The following ARHGEF40 variants were observed in gnomAD, a reference collection of about 807,000 sequenced individuals.
ARHGEF40 encodes the protein Rho guanine nucleotide exchange factor 40.
Under a neutral mutation model 165.9 loss-of-function variants are expected in ARHGEF40, and 98 were observed. The ratio of observed to expected loss-of-function variants is 0.59; its 90% CI spans 0.50 to 0.70. The LOEUF is 0.70. Ranked by LOEUF, ARHGEF40 falls within the 30% of genes least tolerant of loss-of-function variation. ARHGEF40 has a pLI of 0.00. For synonymous variants in ARHGEF40, 792 were observed against 814.3 expected, an observed-to-expected ratio of 0.97 and a Z score of 0.47; for missense variants, 1,815 against 1,968.0, an observed-to-expected ratio of 0.92 and a Z score of 1.47.
chr14:21,066,078 G>A (rs148029057), upstream of ARHGEF40, among the ~76,000 whole-genome samples: 1,075 of 152,186 alleles, frequency 7.1e-3, 24 homozygotes, highest in African/African-American at 0.024. Context: ...CAGCCTGGGC[G>A]ACAGAGCAAG....
chr14:21,078,635 C>T, intron 10 of ARHGEF40, 147 bp downstream of exon 10: 1 of 935,216 alleles, frequency 1.1e-6, no homozygotes. Flanking sequence ...GTCTCATAAC[C>T]CTCACAACAT....
intron 7 of ARHGEF40, 41 bp downstream of exon 7, chr14:21,076,684 G>GA (rs1314401040): frequency 6.7e-7 from 1 of 1,496,748 alleles, no homozygotes; most frequent in Non-Finnish European, 8.9e-7. Flanking sequence ...CATCAGTAGT[G>GA]GGGAGAGGAG....
chr14:21,088,597 G>A (rs1407894689), intron 22 of ARHGEF40, among the ~76,000 whole-genome samples: 1 of 152,042 alleles, frequency 6.6e-6, no homozygotes, highest in Non-Finnish European at 1.5e-5. Context: ...GAAGCAGGAG[G>A]ATCTCTTGAG....
In ARHGEF40 at chr14:21,074,982, C is replaced by T. The variant is rs997678788; in HGVS notation, c.1252C>T (p.Pro418Ser). ...ASHQEALGNL[P>S]SPSEHKLPEC... Reference sequence around the variant, plus strand: ...CCACCAAGAAGCCCTTGGCAATCTGCCCTCACCAAGTGAGCACAAGCTTCC... The same window carrying T: ...CCACCAAGAAGCCCTTGGCAATCTGTCCTCACCAAGTGAGCACAAGCTTCC... The change falls in exon 3 of 24, where the codon CCC (proline) becomes TCC (serine). Residue 418 changes from proline (P) to serine (S), a missense_variant. By Grantham distance (74) the Pro-to-Ser change is moderately conservative (BLOSUM62 -1). Coordinates refer to ENST00000298694, the MANE Select transcript of ARHGEF40 (RefSeq NM_018071.5). This position sits in a 1 kb window ranked among gnomAD's most constrained non-coding sequence, Gnocchi z 4.8. The T allele has an allele frequency of 1.6e-5, 26 of 1,612,442 alleles. No homozygotes were observed. The highest frequency in any genetic ancestry group is 2.0e-5 in the Non-Finnish European group (24 of 1,179,548).
chr14:21,075,350 G>T lies in ARHGEF40; in HGVS notation c.1469G>T (p.Gly490Val). Residue 490 changes from glycine to valine, a missense_variant, in exon 4 of 24, where the codon GGC becomes GTC. Transcript: ENST00000298694. This position sits in a 1 kb window ranked among gnomAD's most constrained non-coding sequence, Gnocchi z 4.5. ...LCMAGHTGPE[G>V]PLSDTPTPPL... ...TGTGCAGGACACACAGGCCCAGAAGGCCCCCTGTCTGACACTCCAACACCT... is the reference window on the plus strand; with the variant it reads ...TGTGCAGGACACACAGGCCCAGAAGTCCCCCTGTCTGACACTCCAACACCT... 6.2e-7 allele frequency: 1 copy of T among 1,614,066 alleles called. No homozygotes were observed. The highest frequency in any genetic ancestry group is 8.5e-7 in the Non-Finnish European group (1 of 1,180,036).
chr14:21,083,360 G>A (rs1346767066), intron 16 of ARHGEF40, among the ~76,000 whole-genome samples: 10 of 150,048 alleles, frequency 6.7e-5, no homozygotes, highest in Admixed American at 1.3e-4. Flanking sequence ...CCAATATAGT[G>A]AAACCCCATC....
At chr14:21,066,316 G>GT (rs1886260665), upstream of ARHGEF40, among the ~76,000 whole-genome samples, 1 of 141,922 alleles carries the variant, frequency 7.0e-6, no homozygotes, top group African/African-American at 2.5e-5. Context: ...TTTTGGTTGT[G>GT]TTTTTTTTGT....
At chr14:21,088,267 G>A (rs893400627) in intron 22 of ARHGEF40, among the ~76,000 whole-genome samples, 169 bp downstream of exon 22, 7 of 152,076 alleles carry the variant, frequency 4.6e-5, no homozygotes, top group South Asian at 2.1e-4. Context: ...TCCTCTCCCC[G>A]GGACCTGGCT....
At position 21,084,200 on chromosome 14, in the gene ARHGEF40, A is replaced by G. The variant is rs886181879; in HGVS notation, c.3789+150A>G. 50 of 758,460 alleles carry G rather than the reference A, an allele frequency of 6.6e-5. No homozygotes were observed. The African/African-American group carries it at 8.1e-4, about 12-fold the overall frequency. 47.0% of individuals were successfully genotyped at this position (758,460 alleles called of 1,614,324 possible). On this transcript the variant is annotated intron_variant, in intron 17 of 23. Coordinates refer to ENST00000298694, the MANE Select transcript of ARHGEF40 (RefSeq NM_018071.5). ...CTGGGTGGCCTTGATTGAGTCACTG[A>G]ACTTCACTGGACTTCACTTTCCTCA... is the stretch of plus-strand genomic sequence containing the variant.
intron 8 of ARHGEF40, 54 bp from the exon 9 acceptor site, chr14:21,078,123 T>C: frequency 6.5e-7 from 1 of 1,533,078 alleles, no homozygotes; most frequent in Non-Finnish European, 8.8e-7. Context: ...CCCTAGGGCT[T>C]AAGTTCCTTC....
the ARHGEF40 span, among the ~76,000 whole-genome samples, chr14:21,064,998 A>G: frequency 2.0e-5 from 3 of 152,002 alleles, no homozygotes; most frequent in Admixed American, 2.0e-4. Flanking sequence ...TGCTGAAACC[A>G]CATTTCTACT....
intron 19 of ARHGEF40, 26 bp from the exon 20 acceptor site, chr14:21,086,975 T>C: frequency 5.7e-6 from 9 of 1,565,890 alleles, no homozygotes; most frequent in Non-Finnish European, 7.8e-6. Flanking sequence ...AGGAAGAAGT[T>C]GGTAACAAGT....
chr14:21,068,671 G>T (rs1201961284), upstream of ARHGEF40, among the ~76,000 whole-genome samples: 1 of 152,198 alleles, frequency 6.6e-6, no homozygotes, highest in Non-Finnish European at 1.5e-5. Flanking sequence ...TAGAGAACCT[G>T]GAGAGTGTCG....
chr14:21,082,949 T>C (rs1244755112), intron 16 of ARHGEF40, 32 bp downstream of exon 16: 4 of 1,600,912 alleles, frequency 2.5e-6, no homozygotes, highest in Non-Finnish European at 3.4e-6. Flanking sequence ...AGGAGAAAAG[T>C]AGAGAGGCCA....
At chr14:21,063,938 C>T in the ARHGEF40 span, among the ~76,000 whole-genome samples, 1 of 152,198 alleles carries the variant, frequency 6.6e-6, no homozygotes, top group Non-Finnish European at 1.5e-5. Context: ...TTACATAGAA[C>T]CGAATCTGCT....
rs758425304 is a variant in ARHGEF40 at position 21,076,404 on chromosome 14, G to T, written c.1784G>T (p.Arg595Leu). ...TLGLSVLLDL[R>L]QAPPLPPALI... ...GGGCTGTCCGTCCTGCTGGACCTTC[G>T]TCAGGCACCTCCACTGCCTCCAGCA... Residue 595 changes from arginine (R) to leucine (L), a missense_variant, in exon 6 of 24, where the codon CGT becomes CTT. Coordinates refer to ENST00000298694, the MANE Select transcript of ARHGEF40 (RefSeq NM_018071.5). The T allele has an allele frequency of 1.1e-5, 18 of 1,613,576 alleles. No homozygotes were observed. The highest frequency in any genetic ancestry group is 1.4e-5 in the Non-Finnish European group (17 of 1,180,042).
At chr14:21,076,916 A>T (rs367908231) in intron 8 of ARHGEF40, 26 bp downstream of exon 8, 2 of 1,580,872 alleles carry the variant, frequency 1.3e-6, no homozygotes, top group African/African-American at 2.7e-5. Context: ...ACCACCTAGC[A>T]TGCTGGGAGC....
intron 11 of ARHGEF40, 66 bp downstream of exon 11, chr14:21,079,076 TG>T: frequency 6.4e-7 from 1 of 1,552,908 alleles, no homozygotes; most frequent in South Asian, 1.2e-5. Flanking sequence ...CCTTTCCCGT[TG>T]GTACTTATAG....
the ARHGEF40 span, among the ~76,000 whole-genome samples, chr14:21,065,146 G>A: frequency 6.6e-6 from 1 of 151,826 alleles, no homozygotes; most frequent in Non-Finnish European, 1.5e-5. Flanking sequence ...ACTCCAGCCT[G>A]GGCGATGAGC....
Sources: allele counts gnomAD v4.1 joint callset (sites outside exome capture counted in the v4.1 genomes callset), GRCh38; gene constraint gnomAD v4.1.1; non-coding constraint Gnocchi (gnomAD v3.1); transcripts MANE v1.5; gene names NCBI Gene and HGNC (gene_info 2026-07-23, HGNC 2026-07-21).